The following ARHGEF3 variants were observed in gnomAD, a reference collection of about 807,000 sequenced individuals.
The protein encoded by ARHGEF3 is 59.8 kDA protein.
ARHGEF3 carries 28 observed loss-of-function variants against 63.2 expected under a neutral mutation model. The ratio of observed to expected loss-of-function variants is 0.44; its 90% CI spans 0.33 to 0.61. The LOEUF (loss-of-function observed/expected upper bound fraction) is 0.61, where lower values mean the gene tolerates loss of function less well. ARHGEF3 is among the 20% of genes least tolerant of loss of function. The pLI is 0.03. For missense variants in ARHGEF3, 533 were observed against 659.3 expected (o/e 0.81, Z 2.10); for synonymous variants, 266 against 254.2 (o/e 1.05, Z -0.44).
intron 3 of ARHGEF3, chr3:56,916,327 G>A (rs1163719320): frequency 1.3e-6 from 2 of 1,535,566 alleles, no homozygotes; most frequent in Admixed American, 3.9e-5. Flanking sequence ...GGACAAAGAG[G>A]CAGCACCACA....
rs1225360228 is a variant in ARHGEF3 at position 56,801,873 on chromosome 3, G to A, written c.-75C>T. 9 of 1,550,434 alleles carry A rather than the reference G, an allele frequency of 5.8e-6. No homozygotes were observed. In the African/African-American group the frequency reaches 9.6e-5, roughly 17 times the overall value. On this transcript the variant is annotated 5_prime_UTR_variant, in exon 1 of 10. Transcript: ENST00000296315. Reference sequence around the variant, plus strand: ...CTACAAAACTCCCAGGCAAAAGGGGGCCCCAGCTCCACGATGCCGGGCGGC... The same window carrying A: ...CTACAAAACTCCCAGGCAAAAGGGGACCCCAGCTCCACGATGCCGGGCGGC...
intron 2 of ARHGEF3, among the ~76,000 whole-genome samples, chr3:57,002,032 T>C (rs992770020): frequency 6.8e-6 from 1 of 147,652 alleles, no homozygotes; most frequent in African/African-American, 2.5e-5. Flanking sequence ...CACGCCATTC[T>C]CCTGCCTCAG....
At chr3:56,907,934 G>C (rs2041745154) in intron 3 of ARHGEF3, among the ~76,000 whole-genome samples, 1 of 152,162 alleles carries the variant, frequency 6.6e-6, no homozygotes, top group Admixed American at 6.5e-5. Context: ...TTAATCCTTA[G>C]TGATGAAATA....
chr3:56,825,075 C>A (rs766578369), intron 4 of ARHGEF3, among the ~76,000 whole-genome samples: 1 of 152,114 alleles, frequency 6.6e-6, no homozygotes, highest in African/African-American at 2.4e-5. Context: ...GCTCTGAGAC[C>A]CTGGGTGAGT....
chr3:56,962,634 T>C (rs1700330014), intron 2 of ARHGEF3, among the ~76,000 whole-genome samples: 1 of 152,014 alleles, frequency 6.6e-6, no homozygotes, highest in South Asian at 2.1e-4. Context: ...CCAAGATTGT[T>C]GGAGGGGTTG....
At chr3:56,888,838 G>A (rs1314074970) in intron 3 of ARHGEF3, among the ~76,000 whole-genome samples, 1 of 152,138 alleles carries the variant, frequency 6.6e-6, no homozygotes, top group Non-Finnish European at 1.5e-5. Flanking sequence ...GGGAGACGGA[G>A]GTTGCGGTGA....
intron 1 of ARHGEF3, among the ~76,000 whole-genome samples, chr3:57,040,240 G>C (rs1406715014): frequency 3.3e-5 from 5 of 152,134 alleles, no homozygotes; most frequent in Non-Finnish European, 2.9e-5. Flanking sequence ...CACTTTTGGA[G>C]GCCAAGGCGG....
At chr3:56,993,174 T>A (rs1206847622) in intron 2 of ARHGEF3, among the ~76,000 whole-genome samples, 1 of 152,156 alleles carries the variant, frequency 6.6e-6, no homozygotes, top group Non-Finnish European at 1.5e-5. Context: ...GATGATAATT[T>A]CCACTGAAAA....
At chr3:56,863,934 C>T (rs1055619730) in intron 4 of ARHGEF3, among the ~76,000 whole-genome samples, 3 of 152,170 alleles carry the variant, frequency 2.0e-5, no homozygotes, top group Non-Finnish European at 4.4e-5. Flanking sequence ...CCCACATCTT[C>T]TAACGCATGC....
intron 4 of ARHGEF3, among the ~76,000 whole-genome samples, chr3:56,830,426 C>G (rs1052561164): frequency 2.6e-5 from 4 of 152,050 alleles, no homozygotes; most frequent in African/African-American, 9.7e-5. Context: ...CTGCCACTAT[C>G]CCAGCCTAAA....
intron 3 of ARHGEF3, among the ~76,000 whole-genome samples, chr3:56,928,752 G>A (rs916267592): frequency 8.5e-5 from 13 of 152,164 alleles, no homozygotes; most frequent in African/African-American, 2.9e-4. Flanking sequence ...ACTGTGCCAA[G>A]AAACAGCCAG....
At chr3:56,965,698 G>T (rs1049223670) in intron 2 of ARHGEF3, among the ~76,000 whole-genome samples, 1 of 149,664 alleles carries the variant, frequency 6.7e-6, no homozygotes, top group South Asian at 2.1e-4. Flanking sequence ...GCCCAGGCTG[G>T]AGTGCAGTGG....
chr3:56,933,578 C>T (rs1358054999), intron 3 of ARHGEF3, among the ~76,000 whole-genome samples: 1 of 151,956 alleles, frequency 6.6e-6, no homozygotes, highest in Non-Finnish European at 1.5e-5. Context: ...TGCCATCACA[C>T]CTGCCTAATT....
intron 4 of ARHGEF3, among the ~76,000 whole-genome samples, chr3:56,858,687 G>T (rs2039966992): frequency 6.6e-6 from 1 of 152,338 alleles, no homozygotes; most frequent in African/African-American, 2.4e-5. Context: ...TGAAAGCTGA[G>T]ATCAGAACAA....
chr3:56,867,907 G>A (rs1184318476), intron 4 of ARHGEF3, among the ~76,000 whole-genome samples: 1 of 152,186 alleles, frequency 6.6e-6, no homozygotes, highest in African/African-American at 2.4e-5. Flanking sequence ...ATGACCATCT[G>A]GAGGAAGTGA....
intron 2 of ARHGEF3, among the ~76,000 whole-genome samples, chr3:56,962,873 T>C (rs555652825): frequency 6.6e-6 from 1 of 152,338 alleles, no homozygotes; most frequent in South Asian, 2.1e-4. Context: ...TTAGGGTTAG[T>C]GCAGAATTTA....
intron 4 of ARHGEF3, among the ~76,000 whole-genome samples, chr3:56,807,607 G>A (rs1372663859): frequency 6.6e-6 from 1 of 152,134 alleles, no homozygotes; most frequent in Non-Finnish European, 1.5e-5. Context: ...GACATTTCCA[G>A]TTAATGACCA....
At chr3:57,002,479 T>TATATATATATATA (rs1285310560) in intron 2 of ARHGEF3, among the ~76,000 whole-genome samples, 2 of 39,464 alleles carry the variant, frequency 5.1e-5, no homozygotes, top group African/African-American at 3.0e-4. Flanking sequence ...TATATATATG[T>TATATATATATATA]TATATATATA....
At chr3:56,852,831 T>C (rs2039724382) in intron 4 of ARHGEF3, among the ~76,000 whole-genome samples, 1 of 152,218 alleles carries the variant, frequency 6.6e-6, no homozygotes, top group South Asian at 2.1e-4. Context: ...TGATCTGACA[T>C]GTCCCCTCTA....
Sources: gnomAD v4.1 joint callset for allele counts (sites outside exome capture counted in the v4.1 genomes callset) on GRCh38, gnomAD v4.1.1 for gene constraint, MANE v1.5 for transcripts, NCBI Gene and HGNC (gene_info 2026-07-23, HGNC 2026-07-21) for gene names.